Variants in MCMBP observed in about 807,000 individuals in gnomAD.
The protein encoded by MCMBP is mini-chromosome maintenance complex-binding protein.
Under a neutral mutation model 81.3 loss-of-function variants are expected in MCMBP, and 31 were observed. The observed-to-expected ratio is 0.38, with a 90% CI of 0.29 to 0.51. The LOEUF (loss-of-function observed/expected upper bound fraction) is 0.51. Among genes scored for constraint, MCMBP ranks in the 20% least tolerant of loss-of-function variants. The pLI, the probability that MCMBP is intolerant of heterozygous loss-of-function variation, is 0.87. For synonymous variants in MCMBP, 267 were observed against 275.9 expected, an observed-to-expected ratio of 0.97 and a Z score of 0.32; for missense variants, 645 against 772.1, an observed-to-expected ratio of 0.84 and a Z score of 1.95.
At chr10:119,854,774 T>C (rs1033498074) in intron 5 of MCMBP, among the ~76,000 whole-genome samples, 1 of 151,538 alleles carries the variant, frequency 6.6e-6, no homozygotes, top group Non-Finnish European at 1.5e-5. Context: ...CTGGCCAACA[T>C]GGTGAAACCC....
chr10:119,863,382 T>C (rs1411959794), intron 1 of MCMBP, among the ~76,000 whole-genome samples: 3 of 152,142 alleles, frequency 2.0e-5, no homozygotes, highest in African/African-American at 4.8e-5. Context: ...ATTGTTCATG[T>C]CTTTGATGAA....
intron 1 of MCMBP, among the ~76,000 whole-genome samples, chr10:119,863,728 C>CAAAAAAAAAAAAAAA (rs57266961): frequency 5.0e-5 from 1 of 20,188 alleles, no homozygotes; most frequent in African/African-American, 2.4e-4. Context: ...GGCTCAGACT[C>CAAAAAAAAAAAAAAA]AAAAAAAAAA....
At chr10:119,858,781 T>C in intron 4 of MCMBP, 103 bp downstream of exon 4, 1 of 893,460 alleles carries the variant, frequency 1.1e-6, no homozygotes, top group Non-Finnish European at 1.7e-6. Flanking sequence ...TGATTTCTTG[T>C]AACTTATACA....
chr10:119,836,917 C>A lies in MCMBP; in HGVS notation c.1521G>T (p.Ser507=), dbSNP rs199532564. 6.2e-7 allele frequency: 1 copy of A among 1,611,690 alleles called. No homozygotes were observed. Among genetic ancestry groups the A allele is most frequent in the Admixed American group, 1.7e-5 (1 of 59,806 alleles). The change falls in exon 13 of 16, where the codon TCG becomes TCT. Residue 507 remains serine, a synonymous_variant. Transcript: ENST00000369077. The stretch of plus-strand genomic sequence containing the variant: ...ATACCGGGAGGAGTGACCTCCCCTC[C>A]GAAGTAATGAAAACGTTAATATTGC... The part of the protein sequence containing the change: ...FPCNINVFIT[S]EGRSLLPADC...
At chr10:119,836,232 G>C (rs915399954) in intron 13 of MCMBP, among the ~76,000 whole-genome samples, 1 of 152,176 alleles carries the variant, frequency 6.6e-6, no homozygotes, top group African/African-American at 2.4e-5. Context: ...AATGGTATCA[G>C]TAAGCACACA....
In MCMBP at chr10:119,865,749, T is replaced by C. The variant is rs1026116490; in HGVS notation, c.59-5865A>G. 8.0e-4 allele frequency among the ~76,000 whole-genome samples: 121 copies of C among 152,120 alleles called. 2 individuals are homozygous for C. Among genetic ancestry groups the C allele is most frequent in the African/African-American group, 2.8e-3 (116 of 41,494 alleles). ...ATATATGGATAAACAAAATGCAGTATAGACATACAATGGAATGTTATTTTC... is the reference window on the plus strand; with the variant it reads ...ATATATGGATAAACAAAATGCAGTACAGACATACAATGGAATGTTATTTTC... On this transcript the variant is annotated intron_variant, in intron 1 of 15. Coordinates refer to ENST00000369077, the MANE Select transcript of MCMBP (RefSeq NM_001256378.2).
Position 119,832,049 on chromosome 10 carries a change from T to C in MCMBP, c.1759A>G (p.Thr587Ala). 6.2e-7 allele frequency: 1 copy of C among 1,613,366 alleles called. No homozygotes were observed. Among genetic ancestry groups the C allele is most frequent in the Admixed American group, 1.7e-5 (1 of 59,746 alleles). ...EMRKNDPQSI[T>A]ADDLHQLLVV... ...AGCAGCTGGTGAAGATCATCAGCAG[T>C]GATGCTCTGAGGGTCGTTCTTCCGC... Residue 587 changes from threonine to alanine, a missense_variant, in exon 15 of 16, where the codon ACT becomes GCT. By Grantham distance (58) the Thr-to-Ala change is moderately conservative. Transcript: ENST00000369077.
intron 12 of MCMBP, 150 bp downstream of exon 12, chr10:119,838,385 A>G (rs11199103): frequency 0.21 from 136,123 of 648,734 alleles, 16,374 homozygotes; most frequent in East Asian, 0.42. Context: ...TTAGTTTATA[A>G]CATATGCTTT....
chr10:119,839,962 A>C (rs1564872756), intron 11 of MCMBP, among the ~76,000 whole-genome samples: 1 of 152,220 alleles, frequency 6.6e-6, no homozygotes, highest in Non-Finnish European at 1.5e-5. Flanking sequence ...GTCTCCTATT[A>C]ATCCAGACAT....
At position 119,859,163 on chromosome 10, in the gene MCMBP, C is replaced by A. The variant is rs1301748472; in HGVS notation, c.163G>T (p.Val55Phe). The A allele has an allele frequency of 6.2e-7, 1 of 1,613,444 alleles. No individual in the cohort carries two copies. The highest frequency in any genetic ancestry group is 1.3e-5 in the African/African-American group (1 of 74,842). ...APKWVPSLNE[V>F]PLHYLKPNSF... ...TTAGGTTTCAAATAATGAAGGGGAA[C>A]TTCGTTCAGTGATGGTACCTTAAAG... is the stretch of plus-strand genomic sequence containing the variant. The change falls in exon 3 of 16, where the codon GTT (valine) becomes TTT (phenylalanine). Residue 55 changes from valine to phenylalanine, a missense_variant. Physicochemically the swap from Val to Phe is conservative, Grantham distance 50. Coordinates refer to ENST00000369077, the MANE Select transcript of MCMBP (RefSeq NM_001256378.2).
At chr10:119,843,132 A>T (rs780255268) in intron 9 of MCMBP, 122 bp downstream of exon 9, 1 of 1,097,452 alleles carries the variant, frequency 9.1e-7, no homozygotes, top group East Asian at 2.4e-5. Context: ...AGATTACTGA[A>T]AACACTTATT....
chr10:119,842,698 A>G, intron 9 of MCMBP, 103 bp from the exon 10 acceptor site: 2 of 1,276,106 alleles, frequency 1.6e-6, no homozygotes, highest in Non-Finnish European at 1.1e-6. Context: ...TTCAGTCGAC[A>G]GTAGGTAAAG....
chr10:119,859,565 G>C (rs1191629237), intron 2 of MCMBP, among the ~76,000 whole-genome samples: 6 of 152,070 alleles, frequency 3.9e-5, no homozygotes, highest in African/African-American at 1.2e-4. Flanking sequence ...TGCAACTAAA[G>C]ATTTGTCTCA....
At chr10:119,854,164 T>C (rs1395441596) in intron 5 of MCMBP, among the ~76,000 whole-genome samples, 1 of 151,516 alleles carries the variant, frequency 6.6e-6, no homozygotes, top group Non-Finnish European at 1.5e-5. Flanking sequence ...TCTCAAGCCA[T>C]GGGAGTAGCT....
chr10:119,842,768 T>A, intron 9 of MCMBP, 173 bp from the exon 10 acceptor site: 6 of 129,058 alleles, frequency 4.6e-5, no homozygotes, highest in Non-Finnish European at 9.4e-5. Flanking sequence ...TGCATCCTCC[T>A]TTTTTTTTTT....
At chr10:119,832,263 A>G (rs1052850942) in intron 14 of MCMBP, among the ~76,000 whole-genome samples, 163 bp from the exon 15 acceptor site, 2 of 152,202 alleles carry the variant, frequency 1.3e-5, no homozygotes, top group Admixed American at 6.5e-5. Flanking sequence ...CTGCTGATGA[A>G]AATAAAATAA....
chr10:119,864,748 C>G (rs757530211), intron 1 of MCMBP, among the ~76,000 whole-genome samples: 1 of 151,884 alleles, frequency 6.6e-6, no homozygotes, highest in African/African-American at 2.4e-5. Context: ...TCACTTGAGA[C>G]CTTCTCTTCT....
chr10:119,863,087 C>T (rs1853318168), intron 1 of MCMBP, among the ~76,000 whole-genome samples: 1 of 152,094 alleles, frequency 6.6e-6, no homozygotes, highest in African/African-American at 2.4e-5. Context: ...TATATTCTCC[C>T]AGTGTATAGC....
At chr10:119,869,468 G>A (rs141613356) in intron 1 of MCMBP, among the ~76,000 whole-genome samples, 2,843 of 150,762 alleles carry the variant, frequency 0.019, 46 homozygotes, top group Admixed American at 0.056. Flanking sequence ...GCTACTCAGG[G>A]GGCTGAGGCA....
Sources: allele counts gnomAD v4.1 joint callset (sites outside exome capture counted in the v4.1 genomes callset), GRCh38; gene constraint gnomAD v4.1.1; transcripts MANE v1.5; gene names NCBI Gene and HGNC (gene_info 2026-07-23, HGNC 2026-07-21).